The following MXRA8 variants were observed in gnomAD, a reference collection of about 807,000 sequenced individuals.
MXRA8 encodes the protein matrix remodeling-associated protein 8.
MXRA8 carries 44 observed loss-of-function variants against 51.4 expected under a neutral mutation model. The observed-to-expected ratio is 0.86, with a 90% confidence interval of 0.67 to 1.10. The LOEUF (loss-of-function observed/expected upper bound fraction) is 1.10, where lower values mean the gene tolerates loss of function less well. MXRA8 is among the 50% of genes least tolerant of loss of function. The probability of loss-of-function intolerance (pLI) is 0.00; values close to 1 mark genes in which losing one functional copy is unlikely to be tolerated. For synonymous variants in MXRA8, 369 were observed against 293.5 expected (o/e 1.26, Z -2.63); for missense variants, 765 against 638.9 (o/e 1.20, Z -2.13).
chr1:1,359,175 C>G, upstream of MXRA8: 16 of 985,306 alleles, frequency 1.6e-5, no homozygotes, highest in Non-Finnish European at 1.9e-5. Flanking sequence ...GACAGGGGAC[C>G]CTGAGCACTG....
rs867158781 is a variant in MXRA8, at chr1:1,353,561, G to T, written c.*43C>A. 1.3e-6 allele frequency: 2 copies of T among 1,553,252 alleles called. No homozygotes were observed. The highest frequency in any genetic ancestry group is 3.5e-4 in the Middle Eastern group (2 of 5,644). On this transcript the variant is annotated 3_prime_UTR_variant, in exon 10 of 10. Coordinates refer to ENST00000309212, the MANE Select transcript of MXRA8 (RefSeq NM_032348.4). The stretch of plus-strand genomic sequence containing the variant: ...GGAGATGCCCCGAGGAGCACAGACA[G>T]GAGAGGTGCAGCTGCTGGCCCAGCC...
rs530581897 is a variant in MXRA8, at chr1:1,352,933, G to C, written c.*671C>G. 5.3e-6 allele frequency: 2 copies of C among 377,750 alleles called. No individual in the cohort carries two copies. Among genetic ancestry groups the C allele is most frequent in the African/African-American group, 2.1e-5 (1 of 46,724 alleles). The allele number at this position is 377,750 out of a possible 1,614,324, so 23.4% of individuals were successfully genotyped here. A position where few individuals can be genotyped will look rare whatever the true frequency, so the allele number is the denominator to read the frequency against. On this transcript the variant is annotated 3_prime_UTR_variant, in exon 10 of 10. Coordinates refer to ENST00000309212, the MANE Select transcript of MXRA8 (RefSeq NM_032348.4). Reference sequence around the variant, plus strand: ...TGACTATCAAGGTGGCTGAGAGCAAGGCTAGGGTAGGGATGGGGCAGAGAA... The same window carrying C: ...TGACTATCAAGGTGGCTGAGAGCAACGCTAGGGTAGGGATGGGGCAGAGAA...
At chr1:1,363,076 C>T (rs1379999981), upstream of MXRA8, among the ~76,000 whole-genome samples, 3 of 141,234 alleles carry the variant, frequency 2.1e-5, no homozygotes, top group South Asian at 2.1e-4. Context: ...GGCGAGACTC[C>T]GTCTCAAAAA....
intron 6 of MXRA8, 30 bp downstream of exon 6, chr1:1,354,324 G>A: frequency 6.2e-7 from 1 of 1,601,902 alleles, no homozygotes; most frequent in Non-Finnish European, 8.5e-7. Flanking sequence ...CAGTCTCCTG[G>A]GGCCGCTGGC....
In MXRA8 at chr1:1,355,004, C is replaced by A. The variant is rs376497659; in HGVS notation, c.627G>T (p.Arg209=). The A allele has an allele frequency of 4.6e-5, 74 of 1,603,122 alleles. No homozygotes were observed. In the Admixed American group the frequency reaches 8.0e-4, roughly 17 times the overall value. ...GGTCGTGCGGGACCCCGGGCGGCTG[C>A]CGGTCCCAGTGCACCACCTGTTGAG... ...EEAQQVVHWD[R]QPPGVPHDRA... Residue 209 remains arginine, a synonymous_variant, in exon 5 of 10, where the codon CGG becomes CGT. Transcript: ENST00000309212.
At chr1:1,361,378 C>T, upstream of MXRA8, 1 of 699,362 alleles carries the variant, frequency 1.4e-6, no homozygotes, top group South Asian at 1.5e-5. Context: ...CAGCCATGGC[C>T]CTCTTGGACC....
At chr1:1,362,309 G>A (rs774578072), upstream of MXRA8, among the ~76,000 whole-genome samples, 9 of 152,194 alleles carry the variant, frequency 5.9e-5, no homozygotes, top group Non-Finnish European at 1.3e-4. Context: ...CAAAACTACA[G>A]GCAAGAAGGT....
In MXRA8 at chr1:1,354,217, T is replaced by C; in HGVS notation, c.1121A>G (p.Asp374Gly). 1.2e-6 allele frequency: 2 copies of C among 1,612,562 alleles called. No individual in the cohort carries two copies. Among genetic ancestry groups the C allele is most frequent in the Non-Finnish European group, 1.7e-6 (2 of 1,179,950 alleles). Reference sequence around the variant, plus strand: ...CCCCTTTGACTTTCCCGACTTCTGGTCCGAGTATTCGTAGCCTGGGAAGGA... The same window carrying C: ...CCCCTTTGACTTTCCCGACTTCTGGCCCGAGTATTCGTAGCCTGGGAAGGA... ...RRRRGGYEYS[D>G]QKSGKSKGKD... The change falls in exon 7 of 10, where the codon GAC (aspartate) becomes GGC (glycine). Residue 374 changes from aspartate to glycine, a missense_variant. Transcript: ENST00000309212.
upstream of MXRA8, among the ~76,000 whole-genome samples, chr1:1,363,236 T>A (rs1644239139): frequency 6.6e-6 from 1 of 152,102 alleles, no homozygotes; most frequent in East Asian, 1.9e-4. Context: ...TGAGCCGAGA[T>A]TGTGCCATTG....
rs1417996341 is a variant in MXRA8, at chr1:1,354,456, G to C, written c.1003C>G (p.Arg335Gly). The C allele has an allele frequency of 6.2e-7, 1 of 1,612,458 alleles. No individual in the cohort carries two copies. Among genetic ancestry groups the C allele is most frequent in the Non-Finnish European group, 8.5e-7 (1 of 1,179,856 alleles). Reference protein sequence around the residue: ...NVINVIVPESRAHFFQQLGYV... With the variant: ...NVINVIVPESGAHFFQQLGYV... ...CCCAGCTGCTGGAAGAAGTGGGCTCGGCTCTCGGGGACGATGACATTGATG... is the reference window on the plus strand; with the variant it reads ...CCCAGCTGCTGGAAGAAGTGGGCTCCGCTCTCGGGGACGATGACATTGATG... The change falls in exon 6 of 10, where the codon CGA becomes GGA. Residue 335 changes from arginine (R) to glycine (G), a missense_variant. Arg to Gly is a moderately radical substitution (Grantham distance 125). Coordinates refer to ENST00000309212, the MANE Select transcript of MXRA8 (RefSeq NM_032348.4).
chr1:1,354,268 C>G, intron 6 of MXRA8, 36 bp from the exon 7 acceptor site: 1 of 1,606,908 alleles, frequency 6.2e-7, no homozygotes, highest in Non-Finnish European at 8.5e-7. Flanking sequence ...CAGTGCCGCC[C>G]CTTCCGCAGG....
intron 6 of MXRA8, 58 bp downstream of exon 6, chr1:1,354,296 C>G: frequency 1.9e-6 from 3 of 1,598,660 alleles, no homozygotes; most frequent in Non-Finnish European, 2.6e-6. Flanking sequence ...GCCCAGAGGA[C>G]CACCCTCCCG....
chr1:1,361,169 C>T, upstream of MXRA8: 1 of 702,634 alleles, frequency 1.4e-6, no homozygotes, highest in Non-Finnish European at 2.6e-6. Flanking sequence ...CACAAACACA[C>T]AGACACAGGT....
chr1:1,362,267 A>T (rs1644230934), upstream of MXRA8, among the ~76,000 whole-genome samples: 1 of 152,224 alleles, frequency 6.6e-6, no homozygotes, highest in African/African-American at 2.4e-5. Context: ...CACTGCTGAG[A>T]TGGGGTGAAG....
At chr1:1,357,137 G>C (rs1382835622) in intron 1 of MXRA8, among the ~76,000 whole-genome samples, 1 of 152,178 alleles carries the variant, frequency 6.6e-6, no homozygotes, top group Admixed American at 6.5e-5. Flanking sequence ...AAGGCTCAGC[G>C]CAGCCCCTGA....
rs948290437 is a variant in MXRA8, at chr1:1,355,702, C to T, written c.124G>A (p.Val42Met). Residue 42 changes from valine (V) to methionine (M), a missense_variant, in exon 3 of 10, where the codon GTG (valine) becomes ATG (methionine). Transcript: ENST00000309212. Reference sequence around the variant, plus strand: ...GCCCGGGCGCCCGCCTCCCAGCTCACCGCGGACTCGGACACCACGGAGCTG... The same window carrying T: ...GCCCGGGCGCCCGCCTCCCAGCTCATCGCGGACTCGGACACCACGGAGCTG... ...AGSSVVSESA[V>M]SWEAGARAVL... 4 of 1,337,834 alleles carry T rather than the reference C, an allele frequency of 3.0e-6. No individual in the cohort carries two copies. The highest frequency in any genetic ancestry group is 2.0e-5 in the South Asian group (1 of 51,040). The allele number at this position is 1,337,834 out of a possible 1,614,324, so 82.9% of individuals were successfully genotyped here.
Position 1,354,766 on chromosome 1 carries a change from G to T in MXRA8, c.865C>A (p.Leu289Met). 1 of 1,611,804 alleles carries T rather than the reference G, an allele frequency of 6.2e-7. No homozygotes were observed. Residue 289 changes from leucine to methionine, a missense_variant, in exon 5 of 10, where the codon CTG (leucine) becomes ATG (methionine). Leu to Met is a conservative substitution (Grantham distance 15, BLOSUM62 2). Transcript: ENST00000309212. ...CGLHERRVFH[L>M]TVAEPHAEPP... The stretch of plus-strand genomic sequence containing the variant: ...TCCGCGTGGGGTTCGGCGACCGTCA[G>T]GTGGAAGACGCGGCGTTCGTGCAGG...
At chr1:1,357,854 C>T (rs1015339720) in intron 1 of MXRA8, among the ~76,000 whole-genome samples, 2 of 152,178 alleles carry the variant, frequency 1.3e-5, no homozygotes, top group African/African-American at 4.8e-5. Context: ...CGCCCTGATC[C>T]CAATAAAGGG....
upstream of MXRA8, chr1:1,359,107 C>T (rs1644188407): frequency 3.0e-6 from 3 of 985,302 alleles, no homozygotes; most frequent in Admixed American, 1.2e-4. Flanking sequence ...TCCCTTGGGC[C>T]AGGATGATGG....
Sources: allele counts gnomAD v4.1 joint callset (sites outside exome capture counted in the v4.1 genomes callset), GRCh38; gene constraint gnomAD v4.1.1; transcripts MANE v1.5; gene names NCBI Gene and HGNC (gene_info 2026-07-23, HGNC 2026-07-21).